FAF1: variants seen among roughly 807,000 people sequenced by gnomAD.
FAF1 encodes the protein Fas associated factor 1.
In FAF1, 25 loss-of-function variants were observed where a neutral mutation model predicts 92.5. The observed-to-expected ratio is 0.27, with a 90% CI of 0.20 to 0.38. The LOEUF is 0.38. FAF1 is among the 10% of genes least tolerant of loss of function. FAF1 has a pLI of 1.00. For synonymous variants in FAF1, 234 were observed against 273.2 expected (o/e 0.86, Z 1.42); for missense variants, 636 against 793.3 (o/e 0.80, Z 2.38).
At chr1:50,614,231 A>G (rs1384629176) in intron 8 of FAF1, among the ~76,000 whole-genome samples, 2 of 152,242 alleles carry the variant, frequency 1.3e-5, no homozygotes, top group Non-Finnish European at 2.9e-5. Context: ...CATGTATTCT[A>G]TGGGCAGACT....
intron 7 of FAF1, among the ~76,000 whole-genome samples, chr1:50,658,508 T>C (rs895545445): frequency 1.3e-5 from 2 of 152,236 alleles, no homozygotes; most frequent in African/African-American, 2.4e-5. Context: ...CTGCACTGAA[T>C]TGAATAACAT....
intron 8 of FAF1, among the ~76,000 whole-genome samples, chr1:50,647,818 G>A (rs539165715): frequency 6.6e-6 from 1 of 152,254 alleles, no homozygotes; most frequent in African/African-American, 2.4e-5. Context: ...AGCCAGAGAG[G>A]AGGAAGGAAG....
chr1:50,484,582 C>G (rs1288640813), intron 17 of FAF1, among the ~76,000 whole-genome samples: 2 of 151,908 alleles, frequency 1.3e-5, no homozygotes, highest in Non-Finnish European at 2.9e-5. Context: ...ATTAATTGTG[C>G]GATAGTGGTG....
chr1:50,661,626 A>G (rs1655379120), intron 7 of FAF1, among the ~76,000 whole-genome samples: 1 of 152,200 alleles, frequency 6.6e-6, no homozygotes, highest in South Asian at 2.1e-4. Flanking sequence ...CTCCCAGTGC[A>G]TCGCATTATC....
chr1:50,469,008 T>C (rs1646535995), intron 18 of FAF1, among the ~76,000 whole-genome samples: 1 of 152,240 alleles, frequency 6.6e-6, no homozygotes, highest in Admixed American at 6.5e-5. Context: ...TTCCCTTTAA[T>C]TAGGTTGCTG....
chr1:50,618,553 G>A lies in FAF1; in HGVS notation c.745-22337C>T, dbSNP rs769461072. Among the ~76,000 whole-genome samples the A allele has an allele frequency of 1.5e-4, 23 of 150,016 alleles. No homozygotes were observed. The East Asian group carries it at 1.8e-3, about 12-fold the overall frequency. ...GCTGGTATTACAGGCATGAGCCACC[G>A]CGCCCGGCCACCTAAATCTTTTTTA... is the stretch of plus-strand genomic sequence containing the variant. On this transcript the variant is annotated intron_variant, in intron 8 of 18. Transcript: ENST00000396153.
intron 12 of FAF1, among the ~76,000 whole-genome samples, chr1:50,578,066 T>C (rs1353011594): frequency 6.6e-6 from 1 of 152,216 alleles, no homozygotes; most frequent in Non-Finnish European, 1.5e-5. Flanking sequence ...ATATACCAGT[T>C]GATGAAGCTC....
chr1:50,636,053 G>A (rs1653993564), intron 8 of FAF1, among the ~76,000 whole-genome samples: 1 of 152,136 alleles, frequency 6.6e-6, no homozygotes, highest in African/African-American at 2.4e-5. Flanking sequence ...AAGCAAAAGG[G>A]AGGGGAGACA....
At chr1:50,604,882 A>T (rs1391985074) in intron 8 of FAF1, among the ~76,000 whole-genome samples, 2 of 152,108 alleles carry the variant, frequency 1.3e-5, no homozygotes, top group Non-Finnish European at 2.9e-5. Context: ...AAATATCTTG[A>T]TTTAATTATC....
rs372726130 is a variant in FAF1 at position 50,474,102 on chromosome 1, T to A, written c.1869+1362A>T. Among the ~76,000 whole-genome samples the A allele has an allele frequency of 4.7e-4, 72 of 152,328 alleles. 1 individual carries two copies. The highest frequency in any genetic ancestry group is 1.7e-3 in the African/African-American group (71 of 41,584). On this transcript the variant is annotated intron_variant, in intron 18 of 18. Transcript: ENST00000396153. ...ATTAACACTTCACGACACAAGATAT[T>A]CCTTTCTTAGAAAATGCTTTGTTAC...
At chr1:50,856,726 G>A (rs1388567418) in intron 2 of FAF1, among the ~76,000 whole-genome samples, 1 of 151,596 alleles carries the variant, frequency 6.6e-6, no homozygotes, top group East Asian at 1.9e-4. Flanking sequence ...AAAAAAATAG[G>A]TTAAATATGT....
chr1:50,711,451 T>C (rs546259835), intron 6 of FAF1, among the ~76,000 whole-genome samples: 1 of 151,362 alleles, frequency 6.6e-6, no homozygotes, highest in South Asian at 2.1e-4. Flanking sequence ...TGCCTAATGT[T>C]ATCCACACTG....
At chr1:50,941,515 C>A (rs1412366161) in intron 1 of FAF1, among the ~76,000 whole-genome samples, 1 of 152,118 alleles carries the variant, frequency 6.6e-6, no homozygotes, top group Non-Finnish European at 1.5e-5. Flanking sequence ...CCGTGCCAGT[C>A]CTCAGCTAAT....
rs897210900 is a variant in FAF1 at position 50,945,168 on chromosome 1, C to T, written c.45+14599G>A. Among the ~76,000 whole-genome samples, 5 of 152,144 alleles carry T rather than the reference C, an allele frequency of 3.3e-5. No homozygotes were observed. The East Asian group carries it at 5.8e-4, about 18-fold the overall frequency. ...TCAGTTCATTGCTGAGTGGCTTGTACGATAAAAGGTGCACTACTGTTAGAC... is the reference window on the plus strand; with the variant it reads ...TCAGTTCATTGCTGAGTGGCTTGTATGATAAAAGGTGCACTACTGTTAGAC... On this transcript the variant is annotated intron_variant, in intron 1 of 18. Coordinates refer to ENST00000396153, the MANE Select transcript of FAF1 (RefSeq NM_007051.3).
chr1:50,784,391 T>C (rs12127714), intron 4 of FAF1, among the ~76,000 whole-genome samples: 497 of 152,294 alleles, frequency 3.3e-3, no homozygotes, highest in Admixed American at 6.8e-3. Context: ...TGCATTTCTA[T>C]ATACTAACAC....
At chr1:50,819,622 C>CGACT (rs1414887224) in intron 2 of FAF1, among the ~76,000 whole-genome samples, 4 of 119,056 alleles carry the variant, frequency 3.4e-5, no homozygotes, top group South Asian at 2.7e-4. Flanking sequence ...CAAGACTGAC[C>CGACT]GACTGACTGA....
intron 1 of FAF1, among the ~76,000 whole-genome samples, chr1:50,953,647 G>A: frequency 6.6e-6 from 1 of 151,760 alleles, no homozygotes; most frequent in South Asian, 2.1e-4. Flanking sequence ...GCTGAGGGAG[G>A]AGAATCGCTT....
At chr1:50,906,382 G>A (rs1385034713) in intron 1 of FAF1, among the ~76,000 whole-genome samples, 1 of 152,084 alleles carries the variant, frequency 6.6e-6, no homozygotes, top group Non-Finnish European at 1.5e-5. Flanking sequence ...GGTTCCATAT[G>A]AACTTTAAAG....
chr1:50,532,483 T>A (rs1264749417), intron 15 of FAF1, among the ~76,000 whole-genome samples: 3 of 152,226 alleles, frequency 2.0e-5, no homozygotes, highest in Non-Finnish European at 4.4e-5. Context: ...TCAATGCCTC[T>A]GTTCCAGGAT....
Sources: allele counts gnomAD v4.1 joint callset (sites outside exome capture counted in the v4.1 genomes callset), GRCh38; gene constraint gnomAD v4.1.1; transcripts MANE v1.5; gene names NCBI Gene and HGNC (gene_info 2026-07-23, HGNC 2026-07-21).